GPD2: variants seen among roughly 807,000 people sequenced by gnomAD.
The protein encoded by GPD2 is glycerol-3-phosphate dehydrogenase, mitochondrial.
Under a neutral mutation model 82.4 loss-of-function variants are expected in GPD2, and 54 were observed. The observed-to-expected ratio is 0.66, with a 90% CI of 0.53 to 0.82. The LOEUF (loss-of-function observed/expected upper bound fraction) is 0.82, where lower values mean the gene tolerates loss of function less well. Among genes scored for constraint, GPD2 ranks in the 40% least tolerant of loss-of-function variants. GPD2 has a pLI of 0.00. For synonymous variants in GPD2, 288 were observed against 306.1 expected (o/e 0.94, Z 0.62); for missense variants, 748 against 896.2 (o/e 0.83, Z 2.11).
chr2:156,574,876 G>A (rs1687762259), intron 13 of GPD2, among the ~76,000 whole-genome samples: 2 of 152,194 alleles, frequency 1.3e-5, no homozygotes. Flanking sequence ...CATTGCTTAA[G>A]GTGGCAGGCA....
At position 156,583,465 on chromosome 2, in the gene GPD2, C is replaced by T. The variant is rs1305207315; in HGVS notation, c.*547C>T. On this transcript the variant is annotated 3_prime_UTR_variant, in exon 17 of 17. Transcript: ENST00000438166. ...CTTCCTCCAGCTTGTCTACCTTCCT[C>T]ATGCAAACAATATTCCACATTTTTA... 2 of 167,168 alleles carry T rather than the reference C, an allele frequency of 1.2e-5. No individual in the cohort carries two copies. Among genetic ancestry groups the T allele is most frequent in the African/African-American group, 4.8e-5 (2 of 41,528 alleles). The allele number at this position is 167,168 out of a possible 1,614,324, so 10.4% of individuals were successfully genotyped here. A position where few individuals can be genotyped will look rare whatever the true frequency, so the allele number is the denominator to read the frequency against.
At chr2:156,413,478 G>A in the GPD2 span, among the ~76,000 whole-genome samples, 1 of 151,942 alleles carries the variant, frequency 6.6e-6, no homozygotes, top group African/African-American at 2.4e-5. Flanking sequence ...CAGCTACGTG[G>A]GAGGCTGAGG....
chr2:156,463,485 A>G (rs1249172739), intron 1 of GPD2, among the ~76,000 whole-genome samples: 1 of 152,236 alleles, frequency 6.6e-6, no homozygotes, highest in Non-Finnish European at 1.5e-5. Context: ...TTAATGCATG[A>G]GGGTTGTTTC....
intron 8 of GPD2, among the ~76,000 whole-genome samples, chr2:156,553,331 G>T (rs562294221): frequency 6.6e-6 from 1 of 152,146 alleles, no homozygotes; most frequent in African/African-American, 2.4e-5. Flanking sequence ...TTTTTTGAAT[G>T]AATCCTCCTA....
At chr2:156,467,045 G>T (rs895584532) in intron 1 of GPD2, among the ~76,000 whole-genome samples, 1 of 151,954 alleles carries the variant, frequency 6.6e-6, no homozygotes, top group Admixed American at 6.5e-5. Flanking sequence ...TTTACACTAT[G>T]TGAATTGATA....
chr2:156,520,678 G>T (rs905518831), intron 6 of GPD2, among the ~76,000 whole-genome samples: 2 of 151,702 alleles, frequency 1.3e-5, no homozygotes, highest in Non-Finnish European at 2.9e-5. Context: ...TCCACCTCCC[G>T]GGCTCAAGCC....
At chr2:156,404,212 A>T in the GPD2 span, among the ~76,000 whole-genome samples, 1 of 151,876 alleles carries the variant, frequency 6.6e-6, no homozygotes, top group African/African-American at 2.4e-5. Flanking sequence ...TACAAAAAAT[A>T]AAAATTAAAA....
At chr2:156,560,494 C>A (rs1192558968) in intron 9 of GPD2, among the ~76,000 whole-genome samples, 1 of 152,184 alleles carries the variant, frequency 6.6e-6, no homozygotes, top group African/African-American at 2.4e-5. Context: ...GGGTAAAAAG[C>A]AGAAATGACA....
chr2:156,530,609 A>G (rs1422481443), intron 6 of GPD2, among the ~76,000 whole-genome samples: 1 of 151,718 alleles, frequency 6.6e-6, no homozygotes, highest in Non-Finnish European at 1.5e-5. Flanking sequence ...CGTTCCATCA[A>G]TACCTAATTT....
chr2:156,566,101 A>C (rs1687379722), intron 9 of GPD2, among the ~76,000 whole-genome samples: 1 of 152,124 alleles, frequency 6.6e-6, no homozygotes, highest in South Asian at 2.1e-4. Context: ...GGTATGGGCT[A>C]ATAAAGGTCC....
chr2:156,543,728 G>A (rs1280368531), intron 6 of GPD2, among the ~76,000 whole-genome samples: 1 of 152,134 alleles, frequency 6.6e-6, no homozygotes, highest in African/African-American at 2.4e-5. Context: ...TCAGAGGTGT[G>A]GAAGAGCAAT....
intron 2 of GPD2, among the ~76,000 whole-genome samples, chr2:156,491,944 C>T (rs537825786): frequency 2.0e-5 from 3 of 150,432 alleles, no homozygotes; most frequent in East Asian, 2.0e-4. Flanking sequence ...CGCTTGAACC[C>T]GGGTGACAGA....
At chr2:156,572,995 C>G (rs1385396512) in intron 13 of GPD2, among the ~76,000 whole-genome samples, 6 of 152,118 alleles carry the variant, frequency 3.9e-5, no homozygotes, top group Non-Finnish European at 8.8e-5. Context: ...TCTCACATAG[C>G]ATGAGTGAAT....
At position 156,570,323 on chromosome 2, in the gene GPD2, A is replaced by G. The variant is rs2288759; in HGVS notation, c.1608+105A>G. On this transcript the variant is annotated intron_variant, in intron 12 of 16. Transcript: ENST00000438166. ...TATGTAGCTAAGTTTTAATGCACAT[A>G]TGTCAGCTAAAACCAGGACTACTAT... 17 of 992,704 alleles carry G rather than the reference A, an allele frequency of 1.7e-5. No individual in the cohort carries two copies. In the East Asian group the frequency reaches 4.1e-4, roughly 24 times the overall value. The allele number at this position is 992,704 out of a possible 1,614,324, so 61.5% of individuals were successfully genotyped here.
At chr2:156,428,170 C>T in the GPD2 span, among the ~76,000 whole-genome samples, 1 of 152,316 alleles carries the variant, frequency 6.6e-6, no homozygotes, top group African/African-American at 2.4e-5. Flanking sequence ...GGCCATTATT[C>T]AGTCTACCAT....
chr2:156,559,924 A>G (rs1325884645), intron 9 of GPD2, among the ~76,000 whole-genome samples: 1 of 152,188 alleles, frequency 6.6e-6, no homozygotes. Flanking sequence ...TTATATTTTA[A>G]CATATTCATT....
At chr2:156,493,054 TTC>T (rs1022971048) in intron 2 of GPD2, among the ~76,000 whole-genome samples, 1 of 151,994 alleles carries the variant, frequency 6.6e-6, no homozygotes, top group Non-Finnish European at 1.5e-5. Context: ...ACATAAGATT[TTC>T]TCTCTCTCTC....
chr2:156,426,190 TG>T, the GPD2 span, among the ~76,000 whole-genome samples: 1 of 152,230 alleles, frequency 6.6e-6, no homozygotes, highest in Non-Finnish European at 1.5e-5. Context: ...CCCAAAGTGC[TG>T]GGATTACAGG....
chr2:156,449,637 T>C (rs1409612126), intron 1 of GPD2, among the ~76,000 whole-genome samples: 1 of 151,856 alleles, frequency 6.6e-6, no homozygotes, highest in Non-Finnish European at 1.5e-5. Context: ...AAACAGAATA[T>C]GGGAAGTGGG....
Sources: allele counts gnomAD v4.1 joint callset (sites outside exome capture counted in the v4.1 genomes callset), GRCh38; gene constraint gnomAD v4.1.1; transcripts MANE v1.5; gene names NCBI Gene and HGNC (gene_info 2026-07-23, HGNC 2026-07-21).